Variants in TAOK3 observed in about 807,000 individuals in gnomAD.
The protein encoded by TAOK3 is TAO kinase 3.
Under a neutral mutation model 120.4 loss-of-function variants are expected in TAOK3, and 40 were observed. The observed-to-expected ratio is 0.33, with a 90% CI of 0.26 to 0.43. TAOK3 has a LOEUF of 0.43. TAOK3 is among the 20% of genes least tolerant of loss of function. The pLI is 1.00. For synonymous variants in TAOK3, 355 were observed against 387.5 expected, an observed-to-expected ratio of 0.92 and a Z score of 0.99; for missense variants, 821 against 1,112.1, an observed-to-expected ratio of 0.74 and a Z score of 3.72.
Position 118,186,147 on chromosome 12 carries a change from C to T in TAOK3, c.1329+3660G>A, listed in dbSNP as rs542459060. On this transcript the variant is annotated intron_variant, in intron 14 of 20. Transcript: ENST00000392533. ...AGCTTTTCTATCGAATCTGGCAAAG[C>T]GAAGTAAAAGACTCTATATTTGCAT... is the stretch of plus-strand genomic sequence containing the variant. Among the ~76,000 whole-genome samples, 22 of 152,238 alleles carry T rather than the reference C, an allele frequency of 1.4e-4. 1 individual carries two copies. Among genetic ancestry groups the T allele is most frequent in the South Asian group, 8.3e-4 (4 of 4,822 alleles).
At chr12:118,156,528 G>C (rs951297894) in intron 19 of TAOK3, among the ~76,000 whole-genome samples, 3 of 151,934 alleles carry the variant, frequency 2.0e-5, no homozygotes, top group Admixed American at 6.6e-5. Context: ...ATGTACAAAT[G>C]ACTCCCACAC....
intron 3 of TAOK3, among the ~76,000 whole-genome samples, chr12:118,252,499 G>A (rs2040799138): frequency 6.6e-6 from 1 of 152,058 alleles, no homozygotes. Flanking sequence ...CTTGATCTGG[G>A]TGGTGTTTTT....
intron 1 of TAOK3, among the ~76,000 whole-genome samples, chr12:118,277,174 T>C (rs1348505269): frequency 6.6e-6 from 1 of 152,228 alleles, no homozygotes; most frequent in African/African-American, 2.4e-5. Context: ...CTACTGTGTT[T>C]CTTATTATTC....
rs539701515 is a variant in TAOK3, at chr12:118,246,492, G to A, written c.121-1527C>T. The A allele has an allele frequency of 1.2e-3, 1,911 of 1,557,994 alleles. 4 individuals are homozygous for A. The highest frequency in any genetic ancestry group is 1.6e-3 in the Non-Finnish European group (1,783 of 1,147,110). ...TGCTATCGGGGACTACAATGGCCAC[G>A]TCGGTCTGGGTGTTAAGTGCTCCAA... On this transcript the variant is annotated intron_variant, in intron 3 of 20. Transcript: ENST00000392533.
Position 118,305,375 on chromosome 12 carries a change from A to T in TAOK3, c.-193-38616T>A, listed in dbSNP as rs143752628. On this transcript the variant is annotated intron_variant, in intron 1 of 20. Transcript: ENST00000392533. The stretch of plus-strand genomic sequence containing the variant: ...GTAATTCTAGCTACTAGGGAGGCTG[A>T]AGCAGGAGAATCCCTTTAACCTGGG... Among the ~76,000 whole-genome samples the T allele has an allele frequency of 8.5e-5, 13 of 152,238 alleles. No homozygotes were observed. In the East Asian group the frequency reaches 2.5e-3, roughly 29 times the overall value.
intron 1 of TAOK3, among the ~76,000 whole-genome samples, chr12:118,278,819 T>G (rs578136565): frequency 6.6e-6 from 1 of 152,296 alleles, no homozygotes; most frequent in South Asian, 2.1e-4. Context: ...TTTATTTTTA[T>G]TTTTTGAGAT....
chr12:118,367,677 C>A (rs180868334), intron 1 of TAOK3, among the ~76,000 whole-genome samples: 1 of 152,122 alleles, frequency 6.6e-6, no homozygotes, highest in East Asian at 1.9e-4. Context: ...TAATATCCTA[C>A]AACTTAAAAA....
chr12:118,308,694 C>T (rs2043142445), intron 1 of TAOK3, among the ~76,000 whole-genome samples: 1 of 151,982 alleles, frequency 6.6e-6, no homozygotes, highest in Non-Finnish European at 1.5e-5. Context: ...TTTTGGGAGG[C>T]CGAGGCAGGT....
chr12:118,183,765 GAT>G (rs2036911476), intron 14 of TAOK3, among the ~76,000 whole-genome samples: 1 of 152,172 alleles, frequency 6.6e-6, no homozygotes, highest in African/African-American at 2.4e-5. Context: ...ATGAATTTTA[GAT>G]ATGTTTTAGC....
At chr12:118,313,430 C>T (rs1566103165) in intron 1 of TAOK3, among the ~76,000 whole-genome samples, 1 of 152,156 alleles carries the variant, frequency 6.6e-6, no homozygotes, top group African/African-American at 2.4e-5. Context: ...GCATCTGCCA[C>T]CACACTTGGC....
rs565792276 is a variant in TAOK3 at position 118,241,462 on chromosome 12, T to C, written c.294+1953A>G. Among the ~76,000 whole-genome samples, 20 of 152,352 alleles carry C rather than the reference T, an allele frequency of 1.3e-4. No individual in the cohort carries two copies. In the South Asian group the frequency reaches 2.3e-3, roughly 17 times the overall value. ...AGCATATGAAATGTGAATATAGAACTTTAAAACTGAATAGAATGAATATGT... is the reference window on the plus strand; with the variant it reads ...AGCATATGAAATGTGAATATAGAACCTTAAAACTGAATAGAATGAATATGT... On this transcript the variant is annotated intron_variant, in intron 5 of 20. Coordinates refer to ENST00000392533, the MANE Select transcript of TAOK3 (RefSeq NM_016281.4).
intron 1 of TAOK3, among the ~76,000 whole-genome samples, chr12:118,331,447 C>A (rs893027265): frequency 6.6e-6 from 1 of 151,908 alleles, no homozygotes; most frequent in African/African-American, 2.4e-5. Context: ...AAGTTCGAGA[C>A]CAGCCTGGCC....
At chr12:118,330,015 T>C (rs913509509) in intron 1 of TAOK3, among the ~76,000 whole-genome samples, 8 of 152,210 alleles carry the variant, frequency 5.3e-5, no homozygotes, top group African/African-American at 1.9e-4. Flanking sequence ...CCCAAAAATA[T>C]GTGGATATCT....
intron 16 of TAOK3, among the ~76,000 whole-genome samples, chr12:118,175,216 A>AC (rs1360404588): frequency 6.6e-6 from 1 of 152,170 alleles, no homozygotes; most frequent in Non-Finnish European, 1.5e-5. Flanking sequence ...CCAGTGGCTT[A>AC]CCTGGGCAGG....
intron 1 of TAOK3, among the ~76,000 whole-genome samples, chr12:118,363,995 C>T (rs1297125320): frequency 1.3e-5 from 2 of 152,036 alleles, no homozygotes; most frequent in African/African-American, 4.8e-5. Flanking sequence ...GTGACGCATG[C>T]CTGTAATCCC....
At chr12:118,322,021 A>C (rs1485671307) in intron 1 of TAOK3, among the ~76,000 whole-genome samples, 1 of 152,214 alleles carries the variant, frequency 6.6e-6, no homozygotes, top group Non-Finnish European at 1.5e-5. Flanking sequence ...CAAAAGATAT[A>C]ATAGAAAATT....
intron 1 of TAOK3, among the ~76,000 whole-genome samples, chr12:118,334,457 A>AG (rs1412401215): frequency 6.6e-6 from 1 of 152,216 alleles, no homozygotes; most frequent in Non-Finnish European, 1.5e-5. Flanking sequence ...GCCGAGGGCT[A>AG]GGGAGAAATG....
intron 1 of TAOK3, among the ~76,000 whole-genome samples, chr12:118,363,358 G>A (rs997179254): frequency 5.3e-5 from 8 of 152,064 alleles, no homozygotes; most frequent in Admixed American, 6.5e-5. Context: ...TGAACCTAAA[G>A]TATTTAAATT....
At chr12:118,205,388 ATTTTTC>A (rs1280469002) in intron 11 of TAOK3, among the ~76,000 whole-genome samples, 1 of 151,346 alleles carries the variant, frequency 6.6e-6, no homozygotes, top group Non-Finnish European at 1.5e-5. Flanking sequence ...AAGAAAGAAA[ATTTTTC>A]TTTTTCAAAG....
Sources: gnomAD v4.1 joint callset for allele counts (sites outside exome capture counted in the v4.1 genomes callset) on GRCh38, gnomAD v4.1.1 for gene constraint, MANE v1.5 for transcripts, NCBI Gene and HGNC (gene_info 2026-07-23, HGNC 2026-07-21) for gene names.